ESR1: variants seen among roughly 807,000 people sequenced by gnomAD.
ESR1 encodes estrogen receptor.
A neutral mutation model predicts 52.7 loss-of-function variants in ESR1; 12 were observed. That is an observed-to-expected ratio of 0.23 (90% confidence interval 0.15 to 0.37). The LOEUF (loss-of-function observed/expected upper bound fraction) is 0.37. Ranked by LOEUF, ESR1 falls within the 10% of genes least tolerant of loss-of-function variation. The pLI, the probability that ESR1 is intolerant of heterozygous loss-of-function variation, is 1.00. For synonymous variants in ESR1, 305 were observed against 316.8 expected, an observed-to-expected ratio of 0.96 and a Z score of 0.39; for missense variants, 584 against 779.7, an observed-to-expected ratio of 0.75 and a Z score of 2.99.
intron 2 of ESR1, among the ~76,000 whole-genome samples, chr6:151,702,537 T>C (rs1779875816): frequency 6.6e-6 from 1 of 152,204 alleles, no homozygotes; most frequent in Non-Finnish European, 1.5e-5. Flanking sequence ...CTTCAGAATT[T>C]AGACTTTACA....
chr6:151,929,148 C>T (rs79321489), intron 3 of ESR1, among the ~76,000 whole-genome samples: 45 of 152,220 alleles, frequency 3.0e-4, no homozygotes, highest in African/African-American at 9.1e-4. Flanking sequence ...TTACTGACAG[C>T]GGAATGGTGA....
chr6:152,017,465 G>A (rs1321339393), intron 5 of ESR1, among the ~76,000 whole-genome samples: 1 of 152,050 alleles, frequency 6.6e-6, no homozygotes, highest in Non-Finnish European at 1.5e-5. Context: ...GATTTCTCTT[G>A]GGGTGTGTGT....
intron 2 of ESR1, among the ~76,000 whole-genome samples, chr6:151,860,479 T>G (rs1380409512): frequency 1.3e-5 from 2 of 152,120 alleles, no homozygotes; most frequent in African/African-American, 4.8e-5. Flanking sequence ...GTGATATATA[T>G]AGAGGGAGTG....
intron 6 of ESR1, among the ~76,000 whole-genome samples, chr6:152,079,364 C>G (rs751729229): frequency 3.0e-4 from 46 of 152,268 alleles, no homozygotes; most frequent in Non-Finnish European, 6.3e-4. Flanking sequence ...GGGTGGACCT[C>G]CAGCAAACTC....
rs1258322920 is a variant in ESR1 at position 151,698,186 on chromosome 6, C to T, written c.-201-3689C>T. Among the ~76,000 whole-genome samples, 4 of 151,066 alleles carry T rather than the reference C, an allele frequency of 2.6e-5. No homozygotes were observed. In the East Asian group the frequency reaches 5.9e-4, roughly 22 times the overall value. Reference sequence around the variant, plus strand: ...TTTGAGAGCAGTCTGGGCAACATGGCGAAACCCCATCTCTATAAAAAATAC... The same window carrying T: ...TTTGAGAGCAGTCTGGGCAACATGGTGAAACCCCATCTCTATAAAAAATAC... On this transcript the variant is annotated intron_variant, in intron 1 of 2. Transcript: ENST00000404742.
At chr6:151,825,820 A>G (rs1397687424) in intron 1 of ESR1, among the ~76,000 whole-genome samples, 1 of 150,520 alleles carries the variant, frequency 6.6e-6, no homozygotes, top group Non-Finnish European at 1.5e-5. Flanking sequence ...CTGAGACAGG[A>G]GAATCACTTG....
At chr6:151,919,541 A>G (rs1243766719) in intron 3 of ESR1, among the ~76,000 whole-genome samples, 1 of 152,206 alleles carries the variant, frequency 6.6e-6, no homozygotes, top group Non-Finnish European at 1.5e-5. Flanking sequence ...ATAAATGTTA[A>G]TTGAGGCCCA....
chr6:151,900,312 T>C, intron 3 of ESR1, among the ~76,000 whole-genome samples: 1 of 151,108 alleles, frequency 6.6e-6, no homozygotes, highest in East Asian at 1.9e-4. Context: ...TTATTTATAC[T>C]AACTATTTCA....
chr6:151,859,097 T>C (rs1197256205), intron 2 of ESR1, among the ~76,000 whole-genome samples: 3 of 152,218 alleles, frequency 2.0e-5, no homozygotes, highest in African/African-American at 7.2e-5. Context: ...AAACAGGACT[T>C]CATGTTCAAT....
intron 2 of ESR1, among the ~76,000 whole-genome samples, chr6:151,797,094 G>A (rs1242420016): frequency 6.6e-6 from 1 of 152,248 alleles, no homozygotes; most frequent in Non-Finnish European, 1.5e-5. Context: ...GCAAAGTGAA[G>A]AGCATGTCAC....
At chr6:151,909,277 A>T (rs551960269) in intron 3 of ESR1, among the ~76,000 whole-genome samples, 1 of 152,314 alleles carries the variant, frequency 6.6e-6, no homozygotes, top group Non-Finnish European at 1.5e-5. Context: ...GTTTACAGCG[A>T]GGCAAAAGAG....
At chr6:152,018,785 CT>C (rs1289674361) in intron 5 of ESR1, among the ~76,000 whole-genome samples, 3 of 151,330 alleles carry the variant, frequency 2.0e-5, no homozygotes, top group Admixed American at 2.0e-4. Flanking sequence ...ACCTCAAGAA[CT>C]TTGTTCATGT....
intron 4 of ESR1, among the ~76,000 whole-genome samples, chr6:151,991,903 T>C (rs1245204350): frequency 2.0e-5 from 3 of 152,098 alleles, no homozygotes; most frequent in African/African-American, 7.2e-5. Context: ...ACTCATCTCG[T>C]CGCAGACATT....
intron 2 of ESR1, among the ~76,000 whole-genome samples, chr6:151,767,442 T>C (rs1428600617): frequency 6.6e-6 from 1 of 152,172 alleles, no homozygotes; most frequent in Non-Finnish European, 1.5e-5. Flanking sequence ...TAGACCCCTT[T>C]GGCAGTCTGG....
At chr6:151,948,099 A>C (rs532694388) in intron 4 of ESR1, among the ~76,000 whole-genome samples, 3 of 152,176 alleles carry the variant, frequency 2.0e-5, no homozygotes, top group African/African-American at 7.2e-5. Context: ...CTGAAGGTTA[A>C]AAAGGAAAAA....
chr6:151,954,699 T>C (rs1321249696), intron 4 of ESR1, among the ~76,000 whole-genome samples: 1 of 152,178 alleles, frequency 6.6e-6, no homozygotes, highest in East Asian at 1.9e-4. Flanking sequence ...AGATGAATGG[T>C]TTAAATATAA....
intron 4 of ESR1, among the ~76,000 whole-genome samples, chr6:151,985,526 AAAAAAAACAC>A (rs2040391260): frequency 5.0e-5 from 7 of 139,688 alleles, no homozygotes; most frequent in South Asian, 2.3e-4. Context: ...AAAAAAAAAA[AAAAAAAACAC>A]AAACAAAAAA....
intron 6 of ESR1, among the ~76,000 whole-genome samples, chr6:152,084,453 A>T (rs2049520278): frequency 6.6e-6 from 1 of 152,126 alleles, no homozygotes. Flanking sequence ...AAAGAAAAAA[A>T]GAAGTGGCTT....
At chr6:152,029,653 A>T (rs916152408) in intron 5 of ESR1, among the ~76,000 whole-genome samples, 2 of 152,202 alleles carry the variant, frequency 1.3e-5, no homozygotes, top group African/African-American at 2.4e-5. Flanking sequence ...AAAAGACCAA[A>T]TCTACGTCTG....
Sources: gnomAD v4.1 joint callset for allele counts (sites outside exome capture counted in the v4.1 genomes callset) on GRCh38, gnomAD v4.1.1 for gene constraint, MANE v1.5 for transcripts, NCBI Gene and HGNC (gene_info 2026-07-23, HGNC 2026-07-21) for gene names.